MCTP1: variants seen among roughly 807,000 people sequenced by gnomAD.
MCTP1 encodes the protein multiple C2 and transmembrane domain containing 1, also known as multiple C2 and transmembrane domain-containing protein 1.
MCTP1 carries 69 observed loss-of-function variants against 120.6 expected under a neutral mutation model. The ratio of observed to expected loss-of-function variants is 0.57; its 90% CI spans 0.47 to 0.70. The LOEUF (loss-of-function observed/expected upper bound fraction) is 0.70. Among genes scored for constraint, MCTP1 ranks in the 30% least tolerant of loss-of-function variants. The probability of loss-of-function intolerance (pLI) is 0.00; values close to 1 mark genes in which losing one functional copy is unlikely to be tolerated. For synonymous variants in MCTP1, 529 were observed against 493.1 expected, an observed-to-expected ratio of 1.07 and a Z score of -0.96; for missense variants, 1,203 against 1,248.8, an observed-to-expected ratio of 0.96 and a Z score of 0.55.
At chr5:94,768,647 A>C (rs1310192187) in intron 19 of MCTP1, among the ~76,000 whole-genome samples, 3 of 152,192 alleles carry the variant, frequency 2.0e-5, no homozygotes, top group African/African-American at 7.2e-5. Context: ...GCTCAATATC[A>C]CTAAATACTG....
chr5:95,051,834 T>C (rs1318121415), intron 1 of MCTP1, among the ~76,000 whole-genome samples: 2 of 151,786 alleles, frequency 1.3e-5, no homozygotes, highest in Non-Finnish European at 2.9e-5. Context: ...GAGCTAAACA[T>C]TGAGTACACA....
At chr5:95,188,034 T>A (rs1749419670) in intron 1 of MCTP1, among the ~76,000 whole-genome samples, 1 of 152,062 alleles carries the variant, frequency 6.6e-6, no homozygotes, top group Non-Finnish European at 1.5e-5. Context: ...TTATTAAAAA[T>A]TTTTAAAAAG....
intron 20 of MCTP1, among the ~76,000 whole-genome samples, chr5:94,711,417 A>G (rs1044086743): frequency 6.6e-6 from 1 of 152,134 alleles, no homozygotes; most frequent in Non-Finnish European, 1.5e-5. Context: ...TCTGAATGTT[A>G]GAATTCCTTA....
chr5:94,787,304 A>G (rs917057607), intron 18 of MCTP1, among the ~76,000 whole-genome samples: 4 of 152,216 alleles, frequency 2.6e-5, no homozygotes, highest in Non-Finnish European at 4.4e-5. Context: ...AAATTGTTGA[A>G]GATTGCTTTG....
At chr5:94,709,327 AG>A (rs1755909968) in intron 21 of MCTP1, 1 of 152,086 alleles carries the variant, frequency 6.6e-6, no homozygotes, top group Non-Finnish European at 1.5e-5. Context: ...CTACCACTAA[AG>A]GAATACTGTT....
At chr5:94,855,166 A>G (rs1411596957) in intron 17 of MCTP1, among the ~76,000 whole-genome samples, 1 of 151,890 alleles carries the variant, frequency 6.6e-6, no homozygotes, top group Non-Finnish European at 1.5e-5. Flanking sequence ...TAGCCCTTAC[A>G]TGGCTTTAAC....
intron 19 of MCTP1, among the ~76,000 whole-genome samples, chr5:94,721,359 A>T (rs529757902): frequency 6.6e-6 from 1 of 152,316 alleles, no homozygotes; most frequent in South Asian, 2.1e-4. Context: ...TTTAATAGCC[A>T]CTTTAAAATC....
At chr5:94,710,413 A>T (rs993714658) in intron 21 of MCTP1, 1 of 178,298 alleles carries the variant, frequency 5.6e-6, no homozygotes, top group African/African-American at 2.4e-5. Flanking sequence ...GCAGCCATGT[A>T]TAGTACCATG....
intron 1 of MCTP1, among the ~76,000 whole-genome samples, chr5:95,162,492 T>G (rs1469428833): frequency 1.3e-5 from 2 of 152,142 alleles, no homozygotes; most frequent in Admixed American, 1.3e-4. Flanking sequence ...AAGCAAACAG[T>G]GAAGTTACCA....
chr5:95,113,885 T>C (rs1757629935), intron 1 of MCTP1, among the ~76,000 whole-genome samples: 1 of 152,202 alleles, frequency 6.6e-6, no homozygotes, highest in South Asian at 2.1e-4. Context: ...GACTTCCTCC[T>C]TCTTCTTGAG....
intron 17 of MCTP1, among the ~76,000 whole-genome samples, chr5:94,824,871 A>G (rs1415973587): frequency 6.6e-6 from 1 of 152,040 alleles, no homozygotes; most frequent in Admixed American, 6.5e-5. Context: ...TTTCTGTGGG[A>G]TCAGTGGTGA....
At position 94,930,436 on chromosome 5, in the gene MCTP1, G is replaced by A. The variant is rs142028123; in HGVS notation, c.1212+1517C>T. 4.1e-3 allele frequency among the ~76,000 whole-genome samples: 622 copies of A among 151,696 alleles called. 2 individuals are homozygous for A. The highest frequency in any genetic ancestry group is 0.014 in the African/African-American group (588 of 41,388). On this transcript the variant is annotated intron_variant, in intron 6 of 22. Transcript: ENST00000515393. ...TTACAGGCATGTGCCACTACGTCTG[G>A]CTAATTTTTGTATTTTTAGTAGAGA...
chr5:95,096,188 T>G lies in MCTP1; in HGVS notation c.721-78704A>C, dbSNP rs778912247. 1.2e-4 allele frequency among the ~76,000 whole-genome samples: 18 copies of G among 152,342 alleles called. No homozygotes were observed. The South Asian group carries it at 1.9e-3, about 16-fold the overall frequency. ...ATAAGAGTACTCAATATATCCACTG[T>G]GGAGACTGACTTCTTGAGAGAAATT... is the stretch of plus-strand genomic sequence containing the variant. On this transcript the variant is annotated intron_variant, in intron 1 of 22. Coordinates refer to ENST00000515393, the MANE Select transcript of MCTP1 (RefSeq NM_024717.7).
At chr5:94,798,820 T>C (rs1056259989) in intron 18 of MCTP1, among the ~76,000 whole-genome samples, 193 bp downstream of exon 18, 10 of 152,134 alleles carry the variant, frequency 6.6e-5, no homozygotes, top group Non-Finnish European at 1.3e-4. Flanking sequence ...AGGAGTAATG[T>C]TAGAAATAAG....
intron 19 of MCTP1, among the ~76,000 whole-genome samples, chr5:94,720,382 G>A (rs1760617424): frequency 2.0e-5 from 3 of 152,016 alleles, no homozygotes; most frequent in Non-Finnish European, 4.4e-5. Flanking sequence ...CAAATGATGG[G>A]ATGATATTTC....
At chr5:95,032,831 G>C (rs896039212) in intron 1 of MCTP1, among the ~76,000 whole-genome samples, 2 of 151,982 alleles carry the variant, frequency 1.3e-5, no homozygotes, top group Admixed American at 1.3e-4. Flanking sequence ...AGAATTGATA[G>C]ACCAGCAGCT....
At chr5:94,786,963 C>T (rs1777864208) in intron 18 of MCTP1, among the ~76,000 whole-genome samples, 1 of 152,174 alleles carries the variant, frequency 6.6e-6, no homozygotes, top group African/African-American at 2.4e-5. Flanking sequence ...ATTAAGTTGA[C>T]ATTTTCATGT....
rs1753958089 is a variant in MCTP1, at chr5:94,703,795, T to C, written c.*3701A>G. ...AGTTCCAGGAAACCTTTCATGGTGC[T>C]CTTAGTTTCTACATTGTATGATTGC... On this transcript the variant is annotated 3_prime_UTR_variant, in exon 23 of 23. Coordinates refer to ENST00000515393, the MANE Select transcript of MCTP1 (RefSeq NM_024717.7). The C allele has an allele frequency of 6.6e-6, 1 of 151,560 alleles. No individual in the cohort carries two copies. The highest frequency in any genetic ancestry group is 2.4e-5 in the African/African-American group (1 of 41,456). The allele number at this position is 151,560 out of a possible 1,614,324, so 9.4% of individuals were successfully genotyped here. A position where few individuals can be genotyped will look rare whatever the true frequency, so the allele number is the denominator to read the frequency against.
intron 17 of MCTP1, among the ~76,000 whole-genome samples, chr5:94,817,279 A>C (rs571032830): frequency 8.5e-5 from 13 of 152,252 alleles, no homozygotes; most frequent in African/African-American, 3.1e-4. Flanking sequence ...GGCATGCCGC[A>C]TGCCTGTAAT....
Sources: gnomAD v4.1 joint callset for allele counts (sites outside exome capture counted in the v4.1 genomes callset) on GRCh38, gnomAD v4.1.1 for gene constraint, MANE v1.5 for transcripts, NCBI Gene and HGNC (gene_info 2026-07-23, HGNC 2026-07-21) for gene names.